The following LARP4B variants were observed in gnomAD, a reference collection of about 807,000 sequenced individuals.
LARP4B encodes La ribonucleoprotein 4B, also known as la-related protein 4B.
Under a neutral mutation model 89.8 loss-of-function variants are expected in LARP4B, and 12 were observed. The ratio of observed to expected loss-of-function variants is 0.13; its 90% CI spans 0.09 to 0.22. The LOEUF is 0.22. LARP4B is among the 10% of genes least tolerant of loss of function. LARP4B has a pLI of 1.00. For synonymous variants in LARP4B, 367 were observed against 363.3 expected (o/e 1.01, Z -0.12); for missense variants, 757 against 947.7 (o/e 0.80, Z 2.64).
At chr10:956,617 G>A in the LARP4B span, among the ~76,000 whole-genome samples, 1 of 152,166 alleles carries the variant, frequency 6.6e-6, no homozygotes, top group African/African-American at 2.4e-5. The surrounding 1 kb of genome is among the most constrained non-coding windows in gnomAD (Gnocchi z 4.3). Flanking sequence ...GTATCCCAAA[G>A]TGCTGGGATT....
intron 3 of LARP4B, among the ~76,000 whole-genome samples, chr10:872,454 C>G (rs1835264573): frequency 6.6e-6 from 1 of 152,216 alleles, no homozygotes; most frequent in African/African-American, 2.4e-5. Flanking sequence ...CTTGGGCAGG[C>G]AGAGTCGGCA....
At chr10:977,834 A>C in the LARP4B span, among the ~76,000 whole-genome samples, 2 of 152,160 alleles carry the variant, frequency 1.3e-5, no homozygotes, top group Admixed American at 6.6e-5. Context: ...GGATTCCTGG[A>C]ACCAATGCTC....
the LARP4B span, among the ~76,000 whole-genome samples, chr10:966,138 G>T: frequency 1.3e-5 from 2 of 151,600 alleles, no homozygotes; most frequent in African/African-American, 4.9e-5. Flanking sequence ...GACAGTAGAG[G>T]CAAGGAAGAT....
intron 1 of LARP4B, among the ~76,000 whole-genome samples, chr10:921,797 T>C (rs936846447): frequency 6.6e-6 from 1 of 152,170 alleles, no homozygotes; most frequent in African/African-American, 2.4e-5. Context: ...TAAAGAATAA[T>C]GATTTCAGCA....
rs1317451579 is a variant in LARP4B, at chr10:811,065, A to G, written c.*1861T>C. 4 of 152,558 alleles carry G rather than the reference A, an allele frequency of 2.6e-5. No homozygotes were observed. Among genetic ancestry groups the G allele is most frequent in the South Asian group, 4.1e-4 (2 of 4,836 alleles). 9.5% of individuals were successfully genotyped at this position (152,558 alleles called of 1,614,324 possible). Reference sequence around the variant, plus strand: ...AAACTCTTTCACATTAGATATGATTAGTATGCATTTACATACATTTTAAAA... The same window carrying G: ...AAACTCTTTCACATTAGATATGATTGGTATGCATTTACATACATTTTAAAA... On this transcript the variant is annotated 3_prime_UTR_variant, in exon 18 of 18. Coordinates refer to ENST00000316157, the MANE Select transcript of LARP4B (RefSeq NM_015155.3).
the LARP4B span, among the ~76,000 whole-genome samples, chr10:979,517 G>A: frequency 6.6e-6 from 1 of 152,160 alleles, no homozygotes; most frequent in Non-Finnish European, 1.5e-5. Flanking sequence ...TATGGCTGTG[G>A]CTCCCACCTA....
chr10:988,248 C>G, the LARP4B span: 2 of 490,472 alleles, frequency 4.1e-6, no homozygotes, highest in African/African-American at 2.0e-5. Context: ...AAAACCCGGG[C>G]GTCCTCTCCT....
In LARP4B at chr10:829,599, T is replaced by G. The variant is rs748955051; in HGVS notation, c.916-5A>C. 7.4e-6 allele frequency: 12 copies of G among 1,613,582 alleles called. No individual in the cohort carries two copies. The highest frequency in any genetic ancestry group is 1.0e-5 in the Non-Finnish European group (12 of 1,179,708). ...TGCCTTTGCTTTTATCCGTGCCTGTTTGAAAATATGTAAGTTTCTATTAGA... is the reference window on the plus strand; with the variant it reads ...TGCCTTTGCTTTTATCCGTGCCTGTGTGAAAATATGTAAGTTTCTATTAGA... On this transcript the variant is annotated splice_polypyrimidine_tract_variant and splice_region_variant and intron_variant, in intron 10 of 17. Transcript: ENST00000316157.
intron 1 of LARP4B, among the ~76,000 whole-genome samples, chr10:922,038 G>T (rs1280351760): frequency 6.6e-6 from 1 of 151,972 alleles, no homozygotes; most frequent in Admixed American, 6.6e-5. Context: ...GGACTGACAG[G>T]TTTCATGCAA....
chr10:871,345 C>T (rs1835188760), intron 3 of LARP4B, among the ~76,000 whole-genome samples: 1 of 152,146 alleles, frequency 6.6e-6, no homozygotes, highest in African/African-American at 2.4e-5. Context: ...CATCGGGGGG[C>T]ACTCCTTGTG....
chr10:934,282 A>G (rs901246648), upstream of LARP4B, among the ~76,000 whole-genome samples: 1 of 151,934 alleles, frequency 6.6e-6, no homozygotes, highest in Non-Finnish European at 1.5e-5. Context: ...AGATCGCCCA[A>G]GGCCAAGAGT....
chr10:912,297 A>G (rs1016453158), intron 1 of LARP4B, among the ~76,000 whole-genome samples: 1 of 151,430 alleles, frequency 6.6e-6, no homozygotes, highest in Non-Finnish European at 1.5e-5. Context: ...AAAGAGAGAG[A>G]GAAAAGAAAA....
rs1477775120 is a variant in LARP4B, at chr10:884,418, A to G, written c.141+29T>C. 8 of 1,473,984 alleles carry G rather than the reference A, an allele frequency of 5.4e-6. No homozygotes were observed. The Admixed American group carries it at 1.3e-4, about 25-fold the overall frequency. The allele number at this position is 1,473,984 out of a possible 1,614,324, so 91.3% of individuals were successfully genotyped here. A position where few individuals can be genotyped will look rare whatever the true frequency, so the allele number is the denominator to read the frequency against. ...TCTGAGCCTTGACTGTGATTAAAAA[A>G]TCTGTGATTAATCTCAAAATTGAAT... On this transcript the variant is annotated intron_variant, in intron 3 of 17. Coordinates refer to ENST00000316157, the MANE Select transcript of LARP4B (RefSeq NM_015155.3).
intron 14 of LARP4B, 150 bp downstream of exon 14, chr10:820,650 G>A (rs1275871575): frequency 1.1e-5 from 8 of 695,758 alleles, no homozygotes; most frequent in African/African-American, 1.8e-5. Flanking sequence ...GCCAGCCAGG[G>A]TGTCAGTTAT....
At chr10:823,711 T>C (rs1341525908) in intron 13 of LARP4B, among the ~76,000 whole-genome samples, 1 of 151,906 alleles carries the variant, frequency 6.6e-6, no homozygotes. Context: ...GCCCCAGCTC[T>C]GCAACCCTCC....
rs1428242871 is a variant in LARP4B at position 844,982 on chromosome 10, T to C, written c.504A>G (p.Leu168=). 4 of 1,611,108 alleles carry C rather than the reference T, an allele frequency of 2.5e-6. No individual in the cohort carries two copies. In the East Asian group the frequency reaches 8.9e-5, roughly 36 times the overall value. The change falls in exon 6 of 18, where the codon TTA becomes TTG. Residue 168 remains leucine (L), a synonymous_variant. Transcript: ENST00000316157. ...EVLKKTLEFC[L]SRENLASDMY... ...AAAACCACCACCAGCCTTACCTAGATAAGCAGAATTCCAATGTTTTTTTAA... is the reference window on the plus strand; with the variant it reads ...AAAACCACCACCAGCCTTACCTAGACAAGCAGAATTCCAATGTTTTTTTAA...
intron 1 of LARP4B, among the ~76,000 whole-genome samples, chr10:925,690 C>T (rs143828131): frequency 0.027 from 4,114 of 152,190 alleles, 97 homozygotes; most frequent in Admixed American, 0.068. Context: ...CGCACCACCA[C>T]GCCTGGCTAA....
At position 861,349 on chromosome 10, in the gene LARP4B, G is replaced by T. The variant is rs540233565; in HGVS notation, c.430+2394C>A. On this transcript the variant is annotated intron_variant, in intron 5 of 17. Coordinates refer to ENST00000316157, the MANE Select transcript of LARP4B (RefSeq NM_015155.3). Reference sequence around the variant, plus strand: ...TTAATAATGTATTATTTCCTCAATTGTCTGTAAGCTACAGAAAATCTGGGG... The same window carrying T: ...TTAATAATGTATTATTTCCTCAATTTTCTGTAAGCTACAGAAAATCTGGGG... Among the ~76,000 whole-genome samples the T allele has an allele frequency of 3.9e-5, 6 of 152,274 alleles. No homozygotes were observed. The South Asian group carries it at 8.3e-4, about 21-fold the overall frequency.
chr10:969,009 G>C, the LARP4B span, among the ~76,000 whole-genome samples: 1 of 152,186 alleles, frequency 6.6e-6, no homozygotes, highest in Non-Finnish European at 1.5e-5. Flanking sequence ...CACATCTTCC[G>C]TGTGCCCTTG....
Sources: allele counts gnomAD v4.1 joint callset (sites outside exome capture counted in the v4.1 genomes callset), GRCh38; gene constraint gnomAD v4.1.1; non-coding constraint Gnocchi (gnomAD v3.1); transcripts MANE v1.5; gene names NCBI Gene and HGNC (gene_info 2026-07-23, HGNC 2026-07-21).